Variants in LARS2 observed in about 807,000 individuals in gnomAD.
The protein encoded by LARS2 is leucyl-tRNA synthetase 2, mitochondrial, also known as leucine--tRNA ligase, mitochondrial.
LARS2 carries 81 observed loss-of-function variants against 116.6 expected under a neutral mutation model. That is an observed-to-expected ratio of 0.69 (90% CI 0.58 to 0.84). The LOEUF (loss-of-function observed/expected upper bound fraction) is 0.84. LARS2 is among the 40% of genes least tolerant of loss of function. The probability of loss-of-function intolerance (pLI) is 0.00; values close to 1 mark genes in which losing one functional copy is unlikely to be tolerated. For synonymous variants in LARS2, 396 were observed against 407.2 expected (o/e 0.97, Z 0.33); for missense variants, 968 against 1,114.5 (o/e 0.87, Z 1.87).
intron 10 of LARS2, among the ~76,000 whole-genome samples, chr3:45,479,796 C>T (rs1381216891): frequency 1.3e-5 from 2 of 152,236 alleles, no homozygotes; most frequent in African/African-American, 4.8e-5. Context: ...CTGTCTTTTC[C>T]TGAAATCTTT....
At chr3:45,487,956 T>G (rs936723591) in intron 11 of LARS2, among the ~76,000 whole-genome samples, 2 of 152,160 alleles carry the variant, frequency 1.3e-5, no homozygotes, top group African/African-American at 4.8e-5. Flanking sequence ...AGTTTTTGAC[T>G]TCCTGACTGA....
chr3:45,458,686 C>CAAA, intron 7 of LARS2, 57 bp from the exon 8 acceptor site: 9 of 1,200,256 alleles, frequency 7.5e-6, no homozygotes, highest in Non-Finnish European at 7.0e-6. Flanking sequence ...CACTCCCTGT[C>CAAA]AAAAAAAAAA....
chr3:45,394,603 G>A lies in LARS2; in HGVS notation c.150G>A (p.Glu50=). 1.1e-5 allele frequency: 18 copies of A among 1,614,192 alleles called. No individual in the cohort carries two copies. The highest frequency in any genetic ancestry group is 2.2e-5 in the East Asian group (1 of 44,890). The change falls in exon 3 of 22, where the codon GAG becomes GAA. Residue 50 remains glutamate, a synonymous_variant. Coordinates refer to ENST00000645846, the MANE Select transcript of LARS2 (RefSeq NM_015340.4). ...IYSATGKWTK[E]YTLQTRKDVE... is the part of the protein sequence containing the mutation. ...GTGCCACGGGAAAGTGGACAAAAGA[G>A]TATACATTGCAGACAAGAAAGGATG...
At chr3:45,438,244 A>C (rs529177354) in intron 6 of LARS2, among the ~76,000 whole-genome samples, 2 of 152,218 alleles carry the variant, frequency 1.3e-5, no homozygotes, top group Admixed American at 1.3e-4. Context: ...CAGTTCACTC[A>C]TGTTGCTTGA....
chr3:45,433,499 T>C (rs1165051359), intron 6 of LARS2, among the ~76,000 whole-genome samples: 1 of 152,120 alleles, frequency 6.6e-6, no homozygotes, highest in Non-Finnish European at 1.5e-5. Flanking sequence ...AAATAAAGTG[T>C]AGAGGCCTTA....
chr3:45,473,999 G>A (rs896514489), intron 8 of LARS2, among the ~76,000 whole-genome samples: 18 of 152,116 alleles, frequency 1.2e-4, no homozygotes, highest in Non-Finnish European at 2.1e-4. Flanking sequence ...TCTTCTTTCC[G>A]TGAAACCGTG....
chr3:45,474,318 T>G lies in LARS2; in HGVS notation c.826T>G (p.Cys276Gly). 1 of 1,610,360 alleles carries G rather than the reference T, an allele frequency of 6.2e-7. No individual in the cohort carries two copies. The highest frequency in any genetic ancestry group is 8.5e-7 in the Non-Finnish European group (1 of 1,177,024). The change falls in exon 9 of 22, where the codon TGT becomes GGT. Residue 276 changes from cysteine (C) to glycine (G), a missense_variant. Transcript: ENST00000645846. The stretch of plus-strand genomic sequence containing the variant: ...CATGCAAGCCCACTGGATTGGGGAC[T>G]GTGTGGGCTGCCACCTGGACTTCAC... ...KGMQAHWIGDCVGCHLDFTLK... is the reference protein window; with the variant it reads ...KGMQAHWIGDGVGCHLDFTLK...
chr3:45,476,633 C>T lies in LARS2; in HGVS notation c.1018+6C>T. 5 of 1,613,868 alleles carry T rather than the reference C, an allele frequency of 3.1e-6. No individual in the cohort carries two copies. The highest frequency in any genetic ancestry group is 3.4e-6 in the Non-Finnish European group (4 of 1,179,796). ...GGCCCTTGTCCCTGGCAAAGGTGAGCTGGCAAGTTAACGGCTCAGGTGGTA... is the reference window on the plus strand; with the variant it reads ...GGCCCTTGTCCCTGGCAAAGGTGAGTTGGCAAGTTAACGGCTCAGGTGGTA... On this transcript the variant is annotated splice_donor_region_variant and intron_variant, in intron 10 of 21. Coordinates refer to ENST00000645846, the MANE Select transcript of LARS2 (RefSeq NM_015340.4).
chr3:45,483,648 C>CA (rs879615671), intron 10 of LARS2, among the ~76,000 whole-genome samples: 69 of 149,282 alleles, frequency 4.6e-4, no homozygotes, highest in Middle Eastern at 3.4e-3. Context: ...GACCCTGTCT[C>CA]AAAAAAAAAG....
chr3:45,413,550 G>A lies in LARS2; in HGVS notation c.364-3932G>A, dbSNP rs570569304. Among the ~76,000 whole-genome samples, 28 of 152,344 alleles carry A rather than the reference G, an allele frequency of 1.8e-4. 1 individual carries two copies. In the South Asian group the frequency reaches 5.8e-3, roughly 32 times the overall value. On this transcript the variant is annotated intron_variant, in intron 4 of 21. Transcript: ENST00000645846. ...GCTCCACTGATAGTAAACAGGCAGA[G>A]TTAGATTTAGGACCTTTGCCCTCAA...
chr3:45,436,824 C>T (rs889871879), intron 6 of LARS2, among the ~76,000 whole-genome samples: 17 of 149,820 alleles, frequency 1.1e-4, no homozygotes, highest in African/African-American at 4.2e-4. Flanking sequence ...AAAGAAAAGC[C>T]GTTTGTATTG....
chr3:45,476,265 G>A lies in LARS2; in HGVS notation c.859-203G>A, dbSNP rs528398496. On this transcript the variant is annotated intron_variant, in intron 9 of 21. Transcript: ENST00000645846. ...CATGCCTGGTGTGGGGCAAGTGGTA[G>A]GGGGTGTTTCTGAAAGAGGAACTGT... 3.5e-4 allele frequency among the ~76,000 whole-genome samples: 54 copies of A among 152,252 alleles called. No individual in the cohort carries two copies. In the South Asian group the frequency reaches 4.6e-3, roughly 13 times the overall value.
chr3:45,468,082 G>C (rs1473493897), intron 8 of LARS2, among the ~76,000 whole-genome samples: 2 of 151,944 alleles, frequency 1.3e-5, no homozygotes, highest in African/African-American at 4.8e-5. Flanking sequence ...CTGGGCGACA[G>C]AGTGAGACAC....
intron 21 of LARS2, 124 bp downstream of exon 21, chr3:45,542,080 C>T: frequency 8.0e-7 from 1 of 1,254,642 alleles, no homozygotes; most frequent in Non-Finnish European, 1.1e-6. Context: ...CAGCCCTCAG[C>T]CACACCTTGT....
chr3:45,454,614 T>G (rs900997853), intron 7 of LARS2, among the ~76,000 whole-genome samples: 5 of 152,142 alleles, frequency 3.3e-5, no homozygotes, highest in Admixed American at 6.5e-5. Flanking sequence ...ATAAGGCTAG[T>G]TAACTACAAA....
rs368286943 is a variant in LARS2 at position 45,455,629 on chromosome 3, A to G, written c.607-3114A>G. Among the ~76,000 whole-genome samples the G allele has an allele frequency of 2.6e-5, 4 of 152,084 alleles. No homozygotes were observed. In the East Asian group the frequency reaches 5.8e-4, roughly 22 times the overall value. ...AATGGAACTACCATATGATCCAGCAATCCCACTTCTGGGAGTATATCCAAA... is the reference window on the plus strand; with the variant it reads ...AATGGAACTACCATATGATCCAGCAGTCCCACTTCTGGGAGTATATCCAAA... On this transcript the variant is annotated intron_variant, in intron 7 of 21. Coordinates refer to ENST00000645846, the MANE Select transcript of LARS2 (RefSeq NM_015340.4).
intron 10 of LARS2, chr3:45,484,058 T>G (rs1367663125): frequency 9.7e-6 from 1 of 102,830 alleles, no homozygotes; most frequent in African/African-American, 2.9e-5. Flanking sequence ...AAAAAAAAAA[T>G]TAGCTGGGTT....
intron 20 of LARS2, among the ~76,000 whole-genome samples, chr3:45,535,745 T>TAC (rs950202930): frequency 7.8e-4 from 37 of 47,246 alleles, no homozygotes; most frequent in Admixed American, 1.5e-3. Flanking sequence ...TATGCTAAGT[T>TAC]ACACACACAC....
intron 4 of LARS2, among the ~76,000 whole-genome samples, chr3:45,401,472 C>T (rs1698147782): frequency 6.6e-6 from 1 of 151,900 alleles, no homozygotes; most frequent in Admixed American, 6.6e-5. Context: ...CACTACACTC[C>T]AGCCTGGGCA....
Sources: allele counts gnomAD v4.1 joint callset (sites outside exome capture counted in the v4.1 genomes callset), GRCh38; gene constraint gnomAD v4.1.1; transcripts MANE v1.5; gene names NCBI Gene and HGNC (gene_info 2026-07-23, HGNC 2026-07-21).